Variants in IGFBP7 observed in about 807,000 individuals in gnomAD.
IGFBP7 encodes insulin like growth factor binding protein 7, also known as insulin-like growth factor-binding protein 7.
IGFBP7 carries 31 observed loss-of-function variants against 29.4 expected under a neutral mutation model. That is an observed-to-expected ratio of 1.05 (90% CI 0.79 to 1.42). The LOEUF (loss-of-function observed/expected upper bound fraction) is 1.42. Ranked by LOEUF, IGFBP7 falls within the 40% of genes most tolerant of loss-of-function variation. IGFBP7 has a pLI of 0.00. For missense variants in IGFBP7, 393 were observed against 395.5 expected (o/e 0.99, Z 0.05); for synonymous variants, 172 against 174.9 (o/e 0.98, Z 0.13).
At chr4:57,097,717 A>C (rs1725795121) in intron 1 of IGFBP7, among the ~76,000 whole-genome samples, 1 of 152,198 alleles carries the variant, frequency 6.6e-6, no homozygotes, top group Admixed American at 6.5e-5. Flanking sequence ...AGGTAAAAAA[A>C]AATCATGAAT....
chr4:57,076,431 C>T (rs1739251988), intron 1 of IGFBP7, among the ~76,000 whole-genome samples: 1 of 152,198 alleles, frequency 6.6e-6, no homozygotes, highest in South Asian at 2.1e-4. Context: ...TCTCTTGGCT[C>T]TTGCTTGTCA....
intron 1 of IGFBP7, among the ~76,000 whole-genome samples, chr4:57,049,591 C>T (rs986537636): frequency 6.6e-6 from 1 of 152,176 alleles, no homozygotes; most frequent in African/African-American, 2.4e-5. Flanking sequence ...TTCTCTTTGA[C>T]ATTTTTTGCG....
At chr4:57,060,130 G>A (rs1324635908) in intron 1 of IGFBP7, among the ~76,000 whole-genome samples, 1 of 152,100 alleles carries the variant, frequency 6.6e-6, no homozygotes, top group Non-Finnish European at 1.5e-5. Flanking sequence ...TATAAAACAG[G>A]CGAAGTGCAA....
chr4:57,102,269 G>C (rs2109805055), intron 1 of IGFBP7, among the ~76,000 whole-genome samples: 1 of 152,320 alleles, frequency 6.6e-6, no homozygotes, highest in South Asian at 2.1e-4. Context: ...CCAGTCTACA[G>C]TGGACCCCGA....
chr4:57,032,810 A>G (rs1344957724), intron 3 of IGFBP7, among the ~76,000 whole-genome samples: 1 of 152,254 alleles, frequency 6.6e-6, no homozygotes. Flanking sequence ...GGTACACATT[A>G]TCGGTTTAAG....
At chr4:57,091,305 G>C (rs1425882467) in intron 1 of IGFBP7, among the ~76,000 whole-genome samples, 1 of 152,228 alleles carries the variant, frequency 6.6e-6, no homozygotes, top group Non-Finnish European at 1.5e-5. Flanking sequence ...AACCATGAAT[G>C]AATGAATGAG....
intron 1 of IGFBP7, among the ~76,000 whole-genome samples, chr4:57,107,564 G>T (rs1056407269): frequency 6.6e-6 from 1 of 152,186 alleles, no homozygotes; most frequent in Admixed American, 6.5e-5. Flanking sequence ...CTCTGCTGTG[G>T]AAAGTTTCTG....
chr4:57,034,231 A>G (rs1724026096), intron 2 of IGFBP7, among the ~76,000 whole-genome samples: 1 of 152,148 alleles, frequency 6.6e-6, no homozygotes, highest in African/African-American at 2.4e-5. Flanking sequence ...AAAATGTTTT[A>G]TTATATAAAC....
rs769179242 is a variant in IGFBP7, at chr4:57,031,291, A to C, written c.*26T>G. 5.7e-6 allele frequency: 9 copies of C among 1,591,724 alleles called. No individual in the cohort carries two copies. In the African/African-American group the frequency reaches 1.2e-4, roughly 21 times the overall value. On this transcript the variant is annotated 3_prime_UTR_variant, in exon 5 of 5. Transcript: ENST00000295666. ...TAGTTATCCATGACTACTTTTAACC[A>C]TGCAGACTAATAATATTCTGGAGGT...
chr4:57,078,518 T>A (rs1725284236), intron 1 of IGFBP7, among the ~76,000 whole-genome samples: 1 of 152,190 alleles, frequency 6.6e-6, no homozygotes, highest in South Asian at 2.1e-4. Flanking sequence ...AAAGATCCAC[T>A]GTTTGCCTTC....
intron 1 of IGFBP7, among the ~76,000 whole-genome samples, chr4:57,097,279 T>C (rs1355102140): frequency 6.6e-6 from 1 of 152,262 alleles, no homozygotes; most frequent in Non-Finnish European, 1.5e-5. Context: ...AAGCAAAGCA[T>C]GTCCTCTGGC....
At chr4:57,031,698 C>T (rs1277308) in intron 4 of IGFBP7, among the ~76,000 whole-genome samples, 54,134 of 152,072 alleles carry the variant, frequency 0.36, 9,855 homozygotes, top group South Asian at 0.46. Context: ...GAGACTCAAA[C>T]GCATGGCTTG....
At chr4:57,072,622 C>T (rs6829171) in intron 1 of IGFBP7, 64,580 of 271,544 alleles carry the variant, frequency 0.24, 7,765 homozygotes, top group African/African-American at 0.31. Flanking sequence ...AACCTTGACC[C>T]AGCCACCACC....
intron 1 of IGFBP7, among the ~76,000 whole-genome samples, chr4:57,099,422 A>G (rs1322532117): frequency 6.6e-6 from 1 of 152,198 alleles, no homozygotes; most frequent in Non-Finnish European, 1.5e-5. Context: ...TAGCTTAGAT[A>G]TGGACTAAAT....
chr4:57,062,781 G>C lies in IGFBP7; in HGVS notation c.476-21848C>G, dbSNP rs993869606. On this transcript the variant is annotated intron_variant, in intron 1 of 4. Coordinates refer to ENST00000295666, the MANE Select transcript of IGFBP7 (RefSeq NM_001553.3). ...TCCTAGGAAAACTTTAAAAGTCAAT[G>C]TTAACACTTAGTAAACACTCCTGGG... is the stretch of plus-strand genomic sequence containing the variant. Among the ~76,000 whole-genome samples, 9 of 152,184 alleles carry C rather than the reference G, an allele frequency of 5.9e-5. 1 individual carries two copies. Among genetic ancestry groups the C allele is most frequent in the African/African-American group, 1.9e-4 (8 of 41,440 alleles).
chr4:57,110,309 C>A lies in IGFBP7; in HGVS notation c.43G>T (p.Gly15Trp). Residue 15 changes from glycine (G) to tryptophan (W), a missense_variant, in exon 1 of 5, where the codon GGG becomes TGG. Gly to Trp is a radical substitution (Grantham distance 184). Coordinates refer to ENST00000295666, the MANE Select transcript of IGFBP7 (RefSeq NM_001553.3). ...AGGGGCAGGAGCAGGAGCAGCAGCC[C>A]AGCGGCGCCGAGGAGCAGGGCGCGC... ...SLRALLLGAA[G>W]LLLLLLPLSS... 7.1e-7 allele frequency: 1 copy of A among 1,416,564 alleles called. No homozygotes were observed. The highest frequency in any genetic ancestry group is 3.1e-5 in the East Asian group (1 of 32,134). The allele number at this position is 1,416,564 out of a possible 1,614,324, so 87.7% of individuals were successfully genotyped here.
At chr4:57,088,803 C>T (rs1044802132) in intron 1 of IGFBP7, among the ~76,000 whole-genome samples, 1 of 152,040 alleles carries the variant, frequency 6.6e-6, no homozygotes, top group South Asian at 2.1e-4. Flanking sequence ...TCAAGGCAGG[C>T]GGATCATCTG....
intron 1 of IGFBP7, among the ~76,000 whole-genome samples, chr4:57,098,748 A>G (rs1292091249): frequency 6.6e-6 from 1 of 152,206 alleles, no homozygotes; most frequent in Non-Finnish European, 1.5e-5. Context: ...CTGCTGCACA[A>G]GCATTTCATT....
chr4:57,076,231 C>T (rs756582957), intron 1 of IGFBP7, among the ~76,000 whole-genome samples: 9 of 152,208 alleles, frequency 5.9e-5, no homozygotes, highest in Non-Finnish European at 1.3e-4. Context: ...GAAGGCCTCA[C>T]CTGTGAATAC....
Sources: gnomAD v4.1 joint callset for allele counts (sites outside exome capture counted in the v4.1 genomes callset) on GRCh38, gnomAD v4.1.1 for gene constraint, MANE v1.5 for transcripts, NCBI Gene and HGNC (gene_info 2026-07-23, HGNC 2026-07-21) for gene names.